The following CPSF7 variants were observed in gnomAD, a reference collection of about 807,000 sequenced individuals.
CPSF7 encodes the protein cleavage and polyadenylation specificity factor subunit 7.
CPSF7 carries 1 observed loss-of-function variant against 44.3 expected under a neutral mutation model. The ratio of observed to expected loss-of-function variants is 0.02; its 90% CI spans 0.01 to 0.11. CPSF7 has a LOEUF of 0.11. Among genes scored for constraint, CPSF7 ranks in the 10% least tolerant of loss-of-function variants. CPSF7 has a pLI of 1.00. For synonymous variants in CPSF7, 202 were observed against 222.0 expected (o/e 0.91, Z 0.80); for missense variants, 443 against 607.2 (o/e 0.73, Z 2.84).
At chr11:61,419,290 G>A (rs1357897134) in intron 5 of CPSF7, among the ~76,000 whole-genome samples, 5 of 152,184 alleles carry the variant, frequency 3.3e-5, no homozygotes, top group African/African-American at 1.2e-4. Flanking sequence ...TCAAAGTGCT[G>A]GGATTATAGG....
At position 61,404,353 on chromosome 11, in the gene CPSF7, A is replaced by T. The variant is rs2135217235; in HGVS notation, c.*357T>A. ...TTTTCTTTGGGAAGGAAGTCTTCCC[A>T]TCAACCTCACCATTGAACGGCTCCC... On this transcript the variant is annotated 3_prime_UTR_variant, in exon 10 of 10. Coordinates refer to ENST00000439958, the MANE Select transcript of CPSF7 (RefSeq NM_001142565.3). The T allele has an allele frequency of 6.5e-6, 1 of 152,714 alleles. No individual in the cohort carries two copies. The highest frequency in any genetic ancestry group is 1.9e-4 in the East Asian group (1 of 5,180). 9.5% of individuals were successfully genotyped at this position (152,714 alleles called of 1,614,324 possible). A position where few individuals can be genotyped will look rare whatever the true frequency, so the allele number is the denominator to read the frequency against.
In CPSF7 at chr11:61,416,321, G is replaced by A. The variant is rs1360381626; in HGVS notation, c.722C>T (p.Ser241Leu). The A allele has an allele frequency of 6.4e-7, 1 of 1,567,062 alleles. No individual in the cohort carries two copies. Among genetic ancestry groups the A allele is most frequent in the Non-Finnish European group, 8.7e-7 (1 of 1,154,898 alleles). The part of the protein sequence containing the change: ...PPIPPPPPLS[S>L]SFGVPPPPPG... ...AGGAGGAGGAGGGACCCCAAAGCTT[G>A]AGGAGAGAGGTGGTGGGGGTGGAAT... The change falls in exon 6 of 10, where the codon TCA (serine) becomes TTA (leucine). Residue 241 changes from serine (S) to leucine (L), a missense_variant. By Grantham distance (145) the Ser-to-Leu change is moderately radical. Transcript: ENST00000439958.
chr11:61,421,738 G>A, intron 2 of CPSF7, 130 bp from the exon 3 acceptor site: 1 of 657,064 alleles, frequency 1.5e-6, no homozygotes. Context: ...CCTACCCCAG[G>A]AAACAAAGTA....
chr11:61,421,173 A>G, intron 3 of CPSF7: 1 of 1,336,058 alleles, frequency 7.5e-7, no homozygotes, highest in Non-Finnish European at 1.0e-6. Flanking sequence ...ACAAGATGGC[A>G]GAAAAAGCAA....
chr11:61,411,959 A>C (rs1046140193), intron 7 of CPSF7, 22 bp from the exon 8 acceptor site: 5 of 1,610,726 alleles, frequency 3.1e-6, no homozygotes, highest in Middle Eastern at 3.3e-4. Context: ...TGAAGGAGAA[A>C]GGCCAAGGGT....
rs117707880 is a variant in CPSF7, at chr11:61,422,042, A to C, written c.55-434T>G. On this transcript the variant is annotated intron_variant, in intron 2 of 9. Coordinates refer to ENST00000439958, the MANE Select transcript of CPSF7 (RefSeq NM_001142565.3). Reference sequence around the variant, plus strand: ...TACATAAAATTCACTTGTCTATTTAATAATAAATTTATTTAGAAACAGAAT... The same window carrying C: ...TACATAAAATTCACTTGTCTATTTACTAATAAATTTATTTAGAAACAGAAT... Among the ~76,000 whole-genome samples, 904 of 152,330 alleles carry C rather than the reference A, an allele frequency of 5.9e-3. 5 individuals carry two copies. Among genetic ancestry groups the C allele is most frequent in the Non-Finnish European group, 9.7e-3 (663 of 68,034 alleles).
chr11:61,421,799 T>A (rs1009659722), intron 2 of CPSF7, among the ~76,000 whole-genome samples, 191 bp from the exon 3 acceptor site: 2 of 152,216 alleles, frequency 1.3e-5, no homozygotes, highest in Admixed American at 1.3e-4. Flanking sequence ...TATGTACATT[T>A]TTTTCCCCTC....
chr11:61,417,818 T>C (rs1290458609), intron 5 of CPSF7, among the ~76,000 whole-genome samples: 1 of 152,194 alleles, frequency 6.6e-6, no homozygotes. Context: ...TGGCTACAAG[T>C]CCCAAAAGAC....
At chr11:61,419,183 C>T (rs1382097716) in intron 5 of CPSF7, among the ~76,000 whole-genome samples, 3 of 151,924 alleles carry the variant, frequency 2.0e-5, no homozygotes, top group South Asian at 2.1e-4. Flanking sequence ...TCACCCACAC[C>T]CGGCTAATTT....
Position 61,416,330 on chromosome 11 carries a change from G to T in CPSF7, c.713C>A (p.Pro238His). Residue 238 changes from proline (P) to histidine (H), a missense_variant, in exon 6 of 10, where the codon CCT becomes CAT. Coordinates refer to ENST00000439958, the MANE Select transcript of CPSF7 (RefSeq NM_001142565.3). The stretch of plus-strand genomic sequence containing the variant: ...AGGGACCCCAAAGCTTGAGGAGAGA[G>T]GTGGTGGGGGTGGAATTGGTGGTGG... Reference protein sequence around the residue: ...LPPPPIPPPPPLSSSFGVPPP... With the variant: ...LPPPPIPPPPHLSSSFGVPPP... 1 of 1,576,616 alleles carries T rather than the reference G, an allele frequency of 6.3e-7. No individual in the cohort carries two copies. Among genetic ancestry groups the T allele is most frequent in the South Asian group, 1.2e-5 (1 of 86,038 alleles).
At position 61,411,076 on chromosome 11, in the gene CPSF7, G is replaced by A. The variant is rs1393793143; in HGVS notation, c.1256C>T (p.Pro419Leu). Residue 419 changes from proline to leucine, a missense_variant, in exon 9 of 10, where the codon CCT (proline) becomes CTT (leucine). By Grantham distance (98) the Pro-to-Leu change is moderately conservative. Coordinates refer to ENST00000439958, the MANE Select transcript of CPSF7 (RefSeq NM_001142565.3). ...CCTGCTGCTCTCCCGGGACCGGCTA[G>A]GTGACCTTTCCCGGGAGCGATGTCT... ...RKRHRSRERS[P>L]SRSRESSRRH... The A allele has an allele frequency of 2.5e-6, 4 of 1,612,354 alleles. No homozygotes were observed. The highest frequency in any genetic ancestry group is 3.4e-6 in the Non-Finnish European group (4 of 1,179,588).
intron 2 of CPSF7, among the ~76,000 whole-genome samples, chr11:61,425,961 G>A (rs890681705): frequency 1.3e-5 from 2 of 152,216 alleles, no homozygotes; most frequent in African/African-American, 4.8e-5. Flanking sequence ...TGCAAAGCCT[G>A]TCTCAGTATG....
At chr11:61,427,525 C>T (rs1228596832) in intron 2 of CPSF7, among the ~76,000 whole-genome samples, 7 of 151,782 alleles carry the variant, frequency 4.6e-5, no homozygotes, top group African/African-American at 1.2e-4. Context: ...AGGTGACCCA[C>T]GCCTGTAGTC....
chr11:61,421,240 T>C (rs781709676), intron 3 of CPSF7, 150 bp downstream of exon 3: 11 of 1,017,274 alleles, frequency 1.1e-5, no homozygotes, highest in Non-Finnish European at 1.5e-5. Flanking sequence ...ATAGTTCTCT[T>C]TCAGAGATCA....
chr11:61,416,163 C>G lies in CPSF7; in HGVS notation c.880G>C (p.Val294Leu). The stretch of plus-strand genomic sequence containing the variant: ...ATGTAAGTATCTGGTGGAGGCCCCA[C>G]TGTAGCGTTTGGTGGGGGGAAGAAG... ...PAFFPPPNAT[V>L]GPPPDTYMKA... The change falls in exon 6 of 10, where the codon GTG becomes CTG. Residue 294 changes from valine (V) to leucine (L), a missense_variant. Transcript: ENST00000439958. 1 of 1,516,312 alleles carries G rather than the reference C, an allele frequency of 6.6e-7. No homozygotes were observed. The highest frequency in any genetic ancestry group is 8.8e-7 in the Non-Finnish European group (1 of 1,134,616). The allele number at this position is 1,516,312 out of a possible 1,614,324, so 93.9% of individuals were successfully genotyped here.
chr11:61,415,873 C>T (rs1259772463), intron 6 of CPSF7, 89 bp from the exon 7 acceptor site: 3 of 1,019,672 alleles, frequency 2.9e-6, no homozygotes, highest in South Asian at 2.8e-5. Context: ...TGGCATAACA[C>T]AGAACAATGC....
At chr11:61,415,857 T>C (rs17156014) in intron 6 of CPSF7, 73 bp from the exon 7 acceptor site, 38,763 of 1,152,152 alleles carry the variant, frequency 0.034, 1,010 homozygotes, top group Admixed American at 0.1. Flanking sequence ...AACACTTTGG[T>C]AATTTTGGCA....
intron 2 of CPSF7, among the ~76,000 whole-genome samples, chr11:61,425,704 G>A (rs1029235846): frequency 3.3e-5 from 5 of 152,056 alleles, no homozygotes; most frequent in African/African-American, 1.2e-4. Flanking sequence ...TTGTAACCAA[G>A]GCTTAATCAA....
At chr11:61,426,486 G>A (rs1246572271) in intron 2 of CPSF7, 3 of 152,106 alleles carry the variant, frequency 2.0e-5, no homozygotes, top group South Asian at 2.1e-4. Flanking sequence ...AGCTTGCCTA[G>A]TGTCAAATAT....
Sources: gnomAD v4.1 joint callset for allele counts (sites outside exome capture counted in the v4.1 genomes callset) on GRCh38, gnomAD v4.1.1 for gene constraint, MANE v1.5 for transcripts, NCBI Gene and HGNC (gene_info 2026-07-23, HGNC 2026-07-21) for gene names.